Variants in FSHR observed in about 807,000 individuals in gnomAD.
FSHR encodes follicle stimulating hormone receptor, also known as follicle-stimulating hormone receptor.
FSHR carries 46 observed loss-of-function variants against 52.1 expected under a neutral mutation model. That is an observed-to-expected ratio of 0.88 (90% CI 0.70 to 1.13). FSHR has a LOEUF of 1.13. FSHR is among the 50% of genes most tolerant of loss of function. The pLI, the probability that FSHR is intolerant of heterozygous loss-of-function variation, is 0.00. For synonymous variants in FSHR, 399 were observed against 309.6 expected (o/e 1.29, Z -3.03); for missense variants, 964 against 834.6 (o/e 1.16, Z -1.91).
At chr2:49,073,115 G>T (rs12622258) in intron 1 of FSHR, among the ~76,000 whole-genome samples, 35,698 of 151,770 alleles carry the variant, frequency 0.24, 4,272 homozygotes, top group South Asian at 0.31. Flanking sequence ...AACATCTTAT[G>T]GATGCTTTCA....
chr2:49,068,089 G>C, intron 2 of FSHR, 130 bp downstream of exon 2: 1 of 738,406 alleles, frequency 1.4e-6, no homozygotes, highest in East Asian at 2.5e-5. Context: ...TAAAATGTGA[G>C]GAGATGCAGA....
chr2:49,091,793 C>T (rs1196963462), intron 1 of FSHR, among the ~76,000 whole-genome samples: 5 of 152,090 alleles, frequency 3.3e-5, no homozygotes, highest in South Asian at 2.1e-4. Flanking sequence ...TATAGTAAGT[C>T]TTTAAATTGG....
chr2:49,091,346 C>T (rs1343393462), intron 1 of FSHR, among the ~76,000 whole-genome samples: 2 of 152,144 alleles, frequency 1.3e-5, no homozygotes, highest in Non-Finnish European at 2.9e-5. Flanking sequence ...TTCTGTCACT[C>T]AGGCTGGAGT....
intron 1 of FSHR, among the ~76,000 whole-genome samples, chr2:49,117,189 A>G (rs898013830): frequency 2.0e-5 from 3 of 152,232 alleles, no homozygotes; most frequent in Non-Finnish European, 2.9e-5. Context: ...ACTGAGGACA[A>G]CTACGGAATA....
intron 1 of FSHR, among the ~76,000 whole-genome samples, chr2:49,149,145 A>G (rs1172880018): frequency 6.6e-6 from 1 of 152,036 alleles, no homozygotes; most frequent in Non-Finnish European, 1.5e-5. Context: ...AAAAGTTTGA[A>G]ACCTATATGA....
chr2:49,045,696 A>G (rs1173809911), intron 2 of FSHR, among the ~76,000 whole-genome samples: 1 of 152,136 alleles, frequency 6.6e-6, no homozygotes. Context: ...TTTGGCGTGG[A>G]AAAGGCCAGC....
intron 2 of FSHR, among the ~76,000 whole-genome samples, chr2:49,050,383 G>A (rs1157814760): frequency 1.3e-5 from 2 of 152,188 alleles, no homozygotes; most frequent in Non-Finnish European, 2.9e-5. Flanking sequence ...GACTATAGGA[G>A]TAGAGAATCA....
chr2:49,083,431 A>G (rs1365893146), intron 1 of FSHR, among the ~76,000 whole-genome samples: 1 of 151,590 alleles, frequency 6.6e-6, no homozygotes, highest in African/African-American at 2.4e-5. Flanking sequence ...AAGAAACTGC[A>G]TCAACTGATG....
chr2:49,022,312 A>T (rs1358797230), intron 2 of FSHR, among the ~76,000 whole-genome samples: 1 of 152,172 alleles, frequency 6.6e-6, no homozygotes, highest in East Asian at 1.9e-4. Flanking sequence ...CTTCTAAATT[A>T]GTGATTTCAG....
At chr2:49,077,234 A>G (rs556724128) in intron 1 of FSHR, among the ~76,000 whole-genome samples, 225 of 152,334 alleles carry the variant, frequency 1.5e-3, no homozygotes, top group Non-Finnish European at 2.5e-3. Context: ...AGGTTTCCGA[A>G]CCTCAATTCT....
chr2:48,979,855 C>G (rs1002977832), intron 8 of FSHR, among the ~76,000 whole-genome samples: 2 of 151,978 alleles, frequency 1.3e-5, no homozygotes, highest in South Asian at 2.1e-4. Flanking sequence ...CAATCTGACC[C>G]AAGGCACAGT....
chr2:49,060,042 T>C (rs1407123731), intron 2 of FSHR, among the ~76,000 whole-genome samples: 1 of 152,034 alleles, frequency 6.6e-6, no homozygotes, highest in Non-Finnish European at 1.5e-5. Flanking sequence ...AAGCAAGTGA[T>C]CTGAACAGAT....
intron 2 of FSHR, among the ~76,000 whole-genome samples, chr2:49,023,048 T>G (rs1667794265): frequency 6.6e-6 from 1 of 152,136 alleles, no homozygotes; most frequent in Non-Finnish European, 1.5e-5. Flanking sequence ...GCTACCAGAC[T>G]TTTTGACCCA....
At chr2:49,009,370 T>G (rs1342692594) in intron 4 of FSHR, among the ~76,000 whole-genome samples, 2 of 152,088 alleles carry the variant, frequency 1.3e-5, no homozygotes, top group East Asian at 3.9e-4. Flanking sequence ...GGCTCTGTTC[T>G]GTTCCATTGA....
intron 9 of FSHR, among the ~76,000 whole-genome samples, chr2:48,965,928 T>C (rs955976651): frequency 4.6e-5 from 7 of 152,170 alleles, no homozygotes; most frequent in African/African-American, 1.7e-4. Flanking sequence ...GAATTCAGTT[T>C]AGGGTCAGTT....
chr2:49,120,499 C>G (rs1240040879), intron 1 of FSHR, among the ~76,000 whole-genome samples: 1 of 152,176 alleles, frequency 6.6e-6, no homozygotes, highest in Non-Finnish European at 1.5e-5. Flanking sequence ...GAATCTAGCA[C>G]TTCGAATTGT....
intron 1 of FSHR, among the ~76,000 whole-genome samples, chr2:49,121,822 T>C (rs538409116): frequency 5.3e-5 from 8 of 152,162 alleles, no homozygotes; most frequent in African/African-American, 1.9e-4. Flanking sequence ...AAGAAAAATA[T>C]CCATAAGGTA....
At position 48,968,893 on chromosome 2, in the gene FSHR, G is replaced by A. The variant is rs757655192; in HGVS notation, c.669-10C>T. The stretch of plus-strand genomic sequence containing the variant: ...TGTTCTTGAAATATCTCTATAAAGA[G>A]AAAAGGTAAATATAACAGGATTACT... On this transcript the variant is annotated splice_polypyrimidine_tract_variant and intron_variant, in intron 8 of 9. Transcript: ENST00000406846. 3.9e-5 allele frequency: 63 copies of A among 1,611,966 alleles called. 1 individual carries two copies. The East Asian group carries it at 1.2e-3, about 30-fold the overall frequency.
At chr2:49,005,288 A>C (rs1375643178) in intron 4 of FSHR, among the ~76,000 whole-genome samples, 1 of 152,096 alleles carries the variant, frequency 6.6e-6, no homozygotes, top group Non-Finnish European at 1.5e-5. Flanking sequence ...TTGGGCTGAA[A>C]TCTCACCTTC....
Sources: gnomAD v4.1 joint callset for allele counts (sites outside exome capture counted in the v4.1 genomes callset) on GRCh38, gnomAD v4.1.1 for gene constraint, MANE v1.5 for transcripts, NCBI Gene and HGNC (gene_info 2026-07-23, HGNC 2026-07-21) for gene names.